The following EPB41L3 variants were observed in gnomAD, a reference collection of about 807,000 sequenced individuals.
EPB41L3 encodes the protein band 4.1-like protein 3.
In EPB41L3, 57 loss-of-function variants were observed where a neutral mutation model predicts 127.1. That is an observed-to-expected ratio of 0.45 (90% confidence interval 0.36 to 0.56). The LOEUF is 0.56. Among genes scored for constraint, EPB41L3 ranks in the 20% least tolerant of loss-of-function variants. The pLI, the probability that EPB41L3 is intolerant of heterozygous loss-of-function variation, is 0.00. For missense variants in EPB41L3, 1,273 were observed against 1,372.2 expected (o/e 0.93, Z 1.14); for synonymous variants, 572 against 549.5 (o/e 1.04, Z -0.57).
chr18:5,577,098 A>G (rs544582519), intron 3 of EPB41L3, among the ~76,000 whole-genome samples: 8 of 152,372 alleles, frequency 5.3e-5, no homozygotes, highest in African/African-American at 1.9e-4. Context: ...TCTACTAAAA[A>G]CTGAAAAGCA....
At chr18:5,434,987 A>G (rs2079550496) in intron 6 of EPB41L3, among the ~76,000 whole-genome samples, 1 of 152,180 alleles carries the variant, frequency 6.6e-6, no homozygotes, top group African/African-American at 2.4e-5. Flanking sequence ...AGTGATACTG[A>G]TGATCTTGAC....
chr18:5,407,625 G>A (rs192020109), intron 15 of EPB41L3, 76 bp downstream of exon 15: 987 of 1,471,526 alleles, frequency 6.7e-4, no homozygotes, highest in Non-Finnish European at 8.0e-4. Flanking sequence ...AGATCTGAAC[G>A]CTGTAGACAA....
chr18:5,491,990 C>G (rs2090646677), intron 1 of EPB41L3, among the ~76,000 whole-genome samples: 1 of 152,106 alleles, frequency 6.6e-6, no homozygotes, highest in African/African-American at 2.4e-5. Flanking sequence ...AAGCAATAAC[C>G]TGATTTTTAA....
intron 2 of EPB41L3, 65 bp downstream of exon 2, chr18:5,488,936 G>C: frequency 1.3e-6 from 2 of 1,502,924 alleles, no homozygotes; most frequent in Non-Finnish European, 1.8e-6. Context: ...AAGAGACCAA[G>C]GTTAAAGCCG....
intron 1 of EPB41L3, among the ~76,000 whole-genome samples, chr18:5,620,146 T>C (rs749708022): frequency 6.6e-6 from 1 of 152,036 alleles, no homozygotes; most frequent in Non-Finnish European, 1.5e-5. Context: ...AAAAAAAGGT[T>C]TTTAATCTAT....
chr18:5,399,136 T>C, intron 16 of EPB41L3: 3 of 399,118 alleles, frequency 7.5e-6, no homozygotes, highest in Non-Finnish European at 1.3e-5. Context: ...ATAGTAACAA[T>C]TCTCCCGGAG....
At chr18:5,496,116 A>C (rs1046670310) in intron 1 of EPB41L3, among the ~76,000 whole-genome samples, 1 of 152,252 alleles carries the variant, frequency 6.6e-6, no homozygotes, top group African/African-American at 2.4e-5. Flanking sequence ...AAAACACTTA[A>C]TAGATTGGGA....
chr18:5,614,460 C>T (rs2094768109), intron 1 of EPB41L3: 2 of 152,150 alleles, frequency 1.3e-5, no homozygotes, highest in Admixed American at 1.3e-4. Context: ...TGTCTCATTC[C>T]TGCTCTGGAG....
rs1598865481 is a variant in EPB41L3, at chr18:5,543,556, G to C, written c.-12+357C>G. 1 of 147,556 alleles carries C rather than the reference G, an allele frequency of 6.8e-6. No individual in the cohort carries two copies. The highest frequency in any genetic ancestry group is 2.4e-5 in the African/African-American group (1 of 41,030). 9.1% of individuals were successfully genotyped at this position (147,556 alleles called of 1,614,324 possible). On this transcript the variant is annotated intron_variant, in intron 1 of 22. Transcript: ENST00000341928. The surrounding 1 kb of genome is among the most constrained non-coding windows in gnomAD (Gnocchi z 5.2). ...GGGATTTGTGCAAATTGGCGGAGAA[G>C]GGACGCGGGGACCGAGTCGCCCCTT...
intron 18 of EPB41L3, among the ~76,000 whole-genome samples, chr18:5,396,839 T>C (rs576979960): frequency 2.0e-4 from 31 of 152,174 alleles, no homozygotes; most frequent in Non-Finnish European, 3.4e-4. Flanking sequence ...TGGTGCCATA[T>C]TATTAATAAT....
chr18:5,580,319 A>G (rs28721989), intron 3 of EPB41L3, among the ~76,000 whole-genome samples: 93 of 152,296 alleles, frequency 6.1e-4, no homozygotes, highest in African/African-American at 2.1e-3. Flanking sequence ...ACAAATATGT[A>G]TAGACACACA....
chr18:5,417,178 C>T (rs1320766020), intron 12 of EPB41L3, among the ~76,000 whole-genome samples: 3 of 152,174 alleles, frequency 2.0e-5, no homozygotes, highest in Non-Finnish European at 2.9e-5. Flanking sequence ...ATTTATGATG[C>T]ATAATAACAG....
At chr18:5,593,474 T>A (rs2094505716) in intron 3 of EPB41L3, among the ~76,000 whole-genome samples, 1 of 151,882 alleles carries the variant, frequency 6.6e-6, no homozygotes, top group African/African-American at 2.4e-5. Context: ...GTCACAGAGA[T>A]CACGTGCTTC....
intron 1 of EPB41L3, among the ~76,000 whole-genome samples, chr18:5,507,183 C>T: frequency 6.6e-6 from 1 of 152,026 alleles, no homozygotes; most frequent in Non-Finnish European, 1.5e-5. Context: ...AGGCAGACTT[C>T]TGCTTGTCTT....
chr18:5,536,792 C>CTGTG (rs2148996148), intron 1 of EPB41L3, among the ~76,000 whole-genome samples: 1 of 152,258 alleles, frequency 6.6e-6, no homozygotes, highest in South Asian at 2.1e-4. Flanking sequence ...TATCGTGCCA[C>CTGTG]TGCACTCCAG....
At chr18:5,622,059 C>CT (rs965491283) in intron 1 of EPB41L3, among the ~76,000 whole-genome samples, 5 of 148,048 alleles carry the variant, frequency 3.4e-5, no homozygotes, top group Admixed American at 1.4e-4. Context: ...GCTTTGGTTA[C>CT]TTTTTTTTTT....
At chr18:5,458,127 A>G (rs2083401291) in intron 3 of EPB41L3, among the ~76,000 whole-genome samples, 1 of 152,126 alleles carries the variant, frequency 6.6e-6, no homozygotes. Flanking sequence ...AATCTTTGAA[A>G]TTTGTTCATG....
chr18:5,397,553 G>C lies in EPB41L3; in HGVS notation c.2473-127C>G. ...AGTGCTTATAACCAGAAACACTGAC[G>C]AAAAATATAAATTAGCTTTCATTTC... On this transcript the variant is annotated intron_variant, in intron 17 of 22. Transcript: ENST00000341928. The surrounding 1 kb of genome is among the most constrained non-coding windows in gnomAD (Gnocchi z 4.1). 8.7e-7 allele frequency: 1 copy of C among 1,151,880 alleles called. No homozygotes were observed. Among genetic ancestry groups the C allele is most frequent in the Middle Eastern group, 3.0e-4 (1 of 3,284 alleles). 71.4% of individuals were successfully genotyped at this position (1,151,880 alleles called of 1,614,324 possible).
At chr18:5,430,334 T>C (rs1459601957) in intron 8 of EPB41L3, among the ~76,000 whole-genome samples, 1 of 152,208 alleles carries the variant, frequency 6.6e-6, no homozygotes, top group Non-Finnish European at 1.5e-5. Flanking sequence ...GAGCTCTGTT[T>C]ATCTTTGTAA....
Sources: allele counts gnomAD v4.1 joint callset (sites outside exome capture counted in the v4.1 genomes callset), GRCh38; gene constraint gnomAD v4.1.1; non-coding constraint Gnocchi (gnomAD v3.1); transcripts MANE v1.5; gene names NCBI Gene and HGNC (gene_info 2026-07-23, HGNC 2026-07-21).